FMN2: variants seen among roughly 807,000 people sequenced by gnomAD.
FMN2 encodes the protein formin 2.
In FMN2, 51 loss-of-function variants were observed where a neutral mutation model predicts 142.3. The observed-to-expected ratio is 0.36, with a 90% CI of 0.29 to 0.45. The LOEUF (loss-of-function observed/expected upper bound fraction) is 0.45. Among genes scored for constraint, FMN2 ranks in the 20% least tolerant of loss-of-function variants. The probability of loss-of-function intolerance (pLI) is 1.00; values close to 1 mark genes in which losing one functional copy is unlikely to be tolerated. For missense variants in FMN2, 1,936 were observed against 2,122.8 expected (o/e 0.91, Z 1.73); for synonymous variants, 882 against 869.8 (o/e 1.01, Z -0.25).
chr1:240,188,053 T>G (rs1665552910), intron 3 of FMN2, among the ~76,000 whole-genome samples, 154 bp from the exon 4 acceptor site: 2 of 152,234 alleles, frequency 1.3e-5, no homozygotes, highest in African/African-American at 2.4e-5. Context: ...AGTAGTCATA[T>G]CCTAATAACC....
intron 2 of FMN2, among the ~76,000 whole-genome samples, chr1:240,158,707 G>T (rs1664137054): frequency 6.6e-6 from 1 of 152,034 alleles, no homozygotes; most frequent in Non-Finnish European, 1.5e-5. Flanking sequence ...CCTGCATTTT[G>T]TGTCGAACTG....
intron 16 of FMN2, among the ~76,000 whole-genome samples, chr1:240,441,792 T>C (rs1462209523): frequency 2.6e-5 from 4 of 152,104 alleles, no homozygotes; most frequent in Non-Finnish European, 5.9e-5. Context: ...TCTCCATAAG[T>C]ATTTGCTGAC....
intron 14 of FMN2, among the ~76,000 whole-genome samples, chr1:240,367,831 T>G (rs1672734599): frequency 6.6e-6 from 1 of 151,976 alleles, no homozygotes; most frequent in Admixed American, 6.6e-5. Context: ...GATAATGTCC[T>G]TTATTTTCCC....
intron 2 of FMN2, among the ~76,000 whole-genome samples, chr1:240,176,977 C>T (rs7543179): frequency 0.22 from 34,169 of 152,096 alleles, 4,099 homozygotes; most frequent in African/African-American, 0.29. Context: ...AACATCCATC[C>T]GATAACTCAT....
At chr1:240,337,266 T>A (rs1163573566) in intron 13 of FMN2, among the ~76,000 whole-genome samples, 1 of 145,094 alleles carries the variant, frequency 6.9e-6, no homozygotes, top group African/African-American at 2.6e-5. Context: ...TGGAGTGCAG[T>A]GGCACAATCT....
chr1:240,409,201 G>A (rs963442640), intron 15 of FMN2, among the ~76,000 whole-genome samples: 3 of 152,060 alleles, frequency 2.0e-5, no homozygotes, highest in African/African-American at 7.2e-5. Context: ...GGAGTGTGGT[G>A]GTGGGATTTC....
chr1:240,123,527 GA>G (rs1227844145), intron 2 of FMN2, among the ~76,000 whole-genome samples, 182 bp downstream of exon 2: 3 of 137,448 alleles, frequency 2.2e-5, no homozygotes, highest in South Asian at 2.4e-4. Flanking sequence ...AAAAAAGAAA[GA>G]AAAAAAACTA....
At chr1:240,319,955 G>A (rs561774152) in intron 8 of FMN2, among the ~76,000 whole-genome samples, 9 of 152,192 alleles carry the variant, frequency 5.9e-5, no homozygotes, top group African/African-American at 1.7e-4. Context: ...AGTACAATTC[G>A]GTTGCAGAAG....
intron 15 of FMN2, among the ~76,000 whole-genome samples, chr1:240,419,944 T>C (rs368177973): frequency 1.3e-5 from 2 of 152,164 alleles, no homozygotes; most frequent in African/African-American, 2.4e-5. Flanking sequence ...GATGCTATGC[T>C]CCACTAACCA....
chr1:240,261,866 GA>G, intron 7 of FMN2, among the ~76,000 whole-genome samples: 1 of 152,106 alleles, frequency 6.6e-6, no homozygotes, highest in East Asian at 1.9e-4. Context: ...TAATACCTCT[GA>G]AAAAATCTCA....
At chr1:240,429,884 G>GT (rs575967964) in intron 15 of FMN2, among the ~76,000 whole-genome samples, 4,007 of 133,108 alleles carry the variant, frequency 0.03, 64 homozygotes, top group African/African-American at 0.051. Context: ...GTTTTTTTTT[G>GT]TTTTTTTTTT....
intron 13 of FMN2, among the ~76,000 whole-genome samples, chr1:240,347,323 A>G (rs879208902): frequency 6.6e-6 from 1 of 152,146 alleles, no homozygotes; most frequent in Non-Finnish European, 1.5e-5. Context: ...TGGACGTTCC[A>G]CTGACATCTG....
chr1:240,397,449 T>A (rs996876743), intron 15 of FMN2, among the ~76,000 whole-genome samples: 1 of 152,052 alleles, frequency 6.6e-6, no homozygotes, highest in Non-Finnish European at 1.5e-5. Context: ...TAAAGGGAAA[T>A]CTACTTTTTT....
chr1:240,264,557 G>A (rs1668734060), intron 7 of FMN2, among the ~76,000 whole-genome samples: 2 of 151,974 alleles, frequency 1.3e-5, no homozygotes, highest in Admixed American at 6.6e-5. Context: ...ACAGGTCTTG[G>A]TGTGTGATGT....
intron 6 of FMN2, among the ~76,000 whole-genome samples, chr1:240,256,584 CA>C (rs34087707): frequency 0.021 from 2,343 of 111,390 alleles, 20 homozygotes; most frequent in African/African-American, 0.033. Flanking sequence ...ACTAAAAATA[CA>C]AAAAAAAAAA....
chr1:240,339,146 C>T (rs981860090), intron 13 of FMN2, among the ~76,000 whole-genome samples: 31 of 152,200 alleles, frequency 2.0e-4, no homozygotes, highest in Admixed American at 1.5e-3. Flanking sequence ...CTGGGTGTCC[C>T]GGCTCCTAAC....
At chr1:240,345,404 C>T (rs971309229) in intron 13 of FMN2, among the ~76,000 whole-genome samples, 3 of 152,152 alleles carry the variant, frequency 2.0e-5, no homozygotes, top group Non-Finnish European at 2.9e-5. Flanking sequence ...GGTGAGAACG[C>T]TTTTACACTG....
chr1:240,136,912 A>G (rs113837802), intron 2 of FMN2, among the ~76,000 whole-genome samples: 11,950 of 151,884 alleles, frequency 0.079, 679 homozygotes, highest in Admixed American at 0.16. Flanking sequence ...CTCTACTACA[A>G]ATACAAAAAT....
At chr1:240,194,657 A>C (rs1265954279) in intron 4 of FMN2, among the ~76,000 whole-genome samples, 1 of 152,230 alleles carries the variant, frequency 6.6e-6, no homozygotes, top group Non-Finnish European at 1.5e-5. Context: ...CCTCAGGTGA[A>C]GGCTGAAACA....
Sources: allele counts gnomAD v4.1 joint callset (sites outside exome capture counted in the v4.1 genomes callset), GRCh38; gene constraint gnomAD v4.1.1; transcripts MANE v1.5; gene names NCBI Gene and HGNC (gene_info 2026-07-23, HGNC 2026-07-21).